Variants in PCDHGB2 observed in about 807,000 individuals in gnomAD.
PCDHGB2 encodes the protein protocadherin gamma subfamily B, 2.
A neutral mutation model predicts 59.3 loss-of-function variants in PCDHGB2; 55 were observed. The ratio of observed to expected loss-of-function variants is 0.93; its 90% CI spans 0.75 to 1.16. The LOEUF is 1.16. Ranked by LOEUF, PCDHGB2 falls within the 50% of genes most tolerant of loss-of-function variation. The pLI is 0.00. For missense variants in PCDHGB2, 1,228 were observed against 1,198.5 expected, an observed-to-expected ratio of 1.02 and a Z score of -0.36; for synonymous variants, 516 against 512.0, an observed-to-expected ratio of 1.01 and a Z score of -0.11.
At chr5:141,461,408 CAT>C (rs1491314585) in intron 1 of PCDHGB2, among the ~76,000 whole-genome samples, 2 of 151,994 alleles carry the variant, frequency 1.3e-5, no homozygotes, top group South Asian at 2.1e-4. Flanking sequence ...AGCATTTTTT[CAT>C]ATGTTTGTGG....
rs530963064 is a variant in PCDHGB2, at chr5:141,404,506, C to G, written c.2421+41950C>G. ...ACACTGGTGTGCTGTATGCTCTGTG[C>G]TCCTTTGACTATGAGCAGTTTAGAG... is the stretch of plus-strand genomic sequence containing the variant. On this transcript the variant is annotated intron_variant, in intron 1 of 3. Coordinates refer to ENST00000522605, the MANE Select transcript of PCDHGB2 (RefSeq NM_018923.3). The G allele has an allele frequency of 3.2e-5, 52 of 1,613,814 alleles. No individual in the cohort carries two copies. Among genetic ancestry groups the G allele is most frequent in the Non-Finnish European group, 4.3e-5 (51 of 1,179,838 alleles).
intron 1 of PCDHGB2, among the ~76,000 whole-genome samples, chr5:141,369,397 TG>T (rs1766213103): frequency 6.6e-6 from 1 of 152,082 alleles, no homozygotes; most frequent in Non-Finnish European, 1.5e-5. Flanking sequence ...TGGGCCAGGG[TG>T]GTTCATGACT....
At chr5:141,383,468 A>C in intron 1 of PCDHGB2, 1 of 1,613,774 alleles carries the variant, frequency 6.2e-7, no homozygotes, top group Non-Finnish European at 8.5e-7. Context: ...GATGAAACTA[A>C]GTACCCGGAA....
intron 1 of PCDHGB2, 157 bp from the exon 2 acceptor site, chr5:141,494,650 T>G (rs1366776271): frequency 1.0e-6 from 1 of 960,138 alleles, no homozygotes; most frequent in East Asian, 1.1e-4. Context: ...CTGAGGTGTA[T>G]TTTGTCTTTG....
intron 1 of PCDHGB2, chr5:141,383,630 T>C: frequency 6.2e-7 from 1 of 1,613,986 alleles, no homozygotes; most frequent in Non-Finnish European, 8.5e-7. Context: ...GTCTTCTCTC[T>C]GCCTCAGTAC....
chr5:141,371,323 AAG>A, intron 1 of PCDHGB2: 1 of 1,614,012 alleles, frequency 6.2e-7, no homozygotes, highest in Non-Finnish European at 8.5e-7. Context: ...CTGGACTTTG[AAG>A]AGAGAGATAG....
At chr5:141,429,378 T>G (rs890583768) in intron 1 of PCDHGB2, among the ~76,000 whole-genome samples, 3 of 105,336 alleles carry the variant, frequency 2.8e-5, no homozygotes, top group African/African-American at 5.2e-5. Flanking sequence ...AGAAAATGTG[T>G]TTTTTTTTTA....
chr5:141,488,312 A>G lies in PCDHGB2; in HGVS notation c.2422-6495A>G, dbSNP rs952247975. 7.9e-5 allele frequency among the ~76,000 whole-genome samples: 12 copies of G among 152,286 alleles called. 1 individual carries two copies. Among genetic ancestry groups the G allele is most frequent in the African/African-American group, 2.9e-4 (12 of 41,558 alleles). On this transcript the variant is annotated intron_variant, in intron 1 of 3. Coordinates refer to ENST00000522605, the MANE Select transcript of PCDHGB2 (RefSeq NM_018923.3). ...AGTAAGTGAAATCACTTATGTCAGA[A>G]AACTGGTTTACAGTTGGCTGATTCA...
chr5:141,509,273 C>T (rs1026035086), intron 3 of PCDHGB2, among the ~76,000 whole-genome samples: 1 of 152,098 alleles, frequency 6.6e-6, no homozygotes, highest in Admixed American at 6.5e-5. Flanking sequence ...CTCTCGCTAC[C>T]CGCTCCCAGG....
In PCDHGB2 at chr5:141,438,615, TATATATATATATATATATATACAC is replaced by T. The variant is rs1230398483; in HGVS notation, c.2422-56190_2422-56167del. ...ACATATATATATATATATATATATA[TATATATATATATATATATATACAC>T]ACACACACACACATATATGTATATA... is the stretch of plus-strand genomic sequence containing the variant. On this transcript the variant is annotated intron_variant, in intron 1 of 3. Transcript: ENST00000522605. Among the ~76,000 whole-genome samples the T allele has an allele frequency of 3.0e-3, 107 of 35,910 alleles. 2 individuals carry two copies. The highest frequency in any genetic ancestry group is 7.9e-3 in the African/African-American group (39 of 4,916). The allele number at this position is 35,910 out of a possible 152,430, so 23.6% of individuals were successfully genotyped here. A position where few individuals can be genotyped will look rare whatever the true frequency, so the allele number is the denominator to read the frequency against.
chr5:141,406,532 G>A (rs58503510), intron 1 of PCDHGB2, among the ~76,000 whole-genome samples: 16,962 of 152,088 alleles, frequency 0.11, 1,106 homozygotes, highest in African/African-American at 0.18. Context: ...ATTTTCTGAC[G>A]AAGATTCAAA....
intron 1 of PCDHGB2, chr5:141,441,973 C>T (rs1457832429): frequency 6.7e-6 from 2 of 296,542 alleles, no homozygotes; most frequent in Admixed American, 4.4e-5. Context: ...GCTCTTCAGC[C>T]TGGAATGCGC....
chr5:141,361,308 G>A lies in PCDHGB2; in HGVS notation c.1173G>A (p.Lys391=), dbSNP rs1442335405. Residue 391 remains lysine, a synonymous_variant, in exon 1 of 4, where the codon AAG becomes AAA. Coordinates refer to ENST00000522605, the MANE Select transcript of PCDHGB2 (RefSeq NM_018923.3). ...ACTGCCAAGTGTTGGGAAATGCCAA[G>A]TTTATTTTGAAATCTTCCTCAAAGA... The part of the protein sequence containing the change: ...EVYCQVLGNA[K]FILKSSSKNY... 3 of 1,613,964 alleles carry A rather than the reference G, an allele frequency of 1.9e-6. No homozygotes were observed. Among genetic ancestry groups the A allele is most frequent in the East Asian group, 2.2e-5 (1 of 44,886 alleles).
intron 1 of PCDHGB2, chr5:141,399,180 G>A (rs1454578078): frequency 6.2e-7 from 1 of 1,613,916 alleles, no homozygotes; most frequent in Non-Finnish European, 8.5e-7. Context: ...TACTTGAAAT[G>A]ATTCTGGAAA....
rs1052219950 is a variant in PCDHGB2, at chr5:141,476,865, G to A, written c.2422-17942G>A. The A allele has an allele frequency of 1.2e-6, 2 of 1,613,752 alleles. No individual in the cohort carries two copies. Among genetic ancestry groups the A allele is most frequent in the African/African-American group, 1.3e-5 (1 of 74,958 alleles). On this transcript the variant is annotated intron_variant, in intron 1 of 3. Coordinates refer to ENST00000522605, the MANE Select transcript of PCDHGB2 (RefSeq NM_018923.3). This position sits in a 1 kb window ranked among gnomAD's most constrained non-coding sequence, Gnocchi z 7.6. ...CCTGTCTTCAACCAGTCCTTGTACC[G>A]GGCGCGCGTCCTGGAGGATGCACCC...
At position 141,487,128 on chromosome 5, in the gene PCDHGB2, G is replaced by A; in HGVS notation, c.2422-7679G>A. The A allele has an allele frequency of 6.2e-7, 1 of 1,614,086 alleles. No individual in the cohort carries two copies. ...GTCATTGTGGTAAAGGATAGTGGTA[G>A]TCCACCACTCTCTACCTCTGTTACT... is the stretch of plus-strand genomic sequence containing the variant. On this transcript the variant is annotated intron_variant, in intron 1 of 3. Transcript: ENST00000522605. This position sits in a 1 kb window ranked among gnomAD's most constrained non-coding sequence, Gnocchi z 5.0.
chr5:141,480,239 A>C (rs1320132415), intron 1 of PCDHGB2, among the ~76,000 whole-genome samples: 4 of 136,218 alleles, frequency 2.9e-5, no homozygotes, highest in African/African-American at 1.1e-4. Context: ...TCCTGTCTCT[A>C]CAAAAAAAAA....
At chr5:141,404,773 C>T (rs753809742) in intron 1 of PCDHGB2, 1 of 1,613,856 alleles carries the variant, frequency 6.2e-7, no homozygotes, top group South Asian at 1.1e-5. Flanking sequence ...TCTCCTACCG[C>T]CTATTCAAGG....
Position 141,476,369 on chromosome 5 carries a change from G to A in PCDHGB2, c.2422-18438G>A, listed in dbSNP as rs1178923246. 1.9e-6 allele frequency: 3 copies of A among 1,614,098 alleles called. No homozygotes were observed. The African/African-American group carries it at 4.0e-5, about 22-fold the overall frequency. ...CTTTGAGGTGAACCGGGAGACCGGA[G>A]AGATGTTTGTGAACGACCGTCTGGA... On this transcript the variant is annotated intron_variant, in intron 1 of 3. Transcript: ENST00000522605. This position sits in a 1 kb window ranked among gnomAD's most constrained non-coding sequence, Gnocchi z 7.6.
Sources: gnomAD v4.1 joint callset for allele counts (sites outside exome capture counted in the v4.1 genomes callset) on GRCh38, gnomAD v4.1.1 for gene constraint, Gnocchi (gnomAD v3.1) non-coding constraint, MANE v1.5 for transcripts, NCBI Gene and HGNC (gene_info 2026-07-23, HGNC 2026-07-21) for gene names.